TTC19: variants seen among roughly 807,000 people sequenced by gnomAD.
The protein encoded by TTC19 is tetratricopeptide repeat protein 19, mitochondrial.
TTC19 carries 38 observed loss-of-function variants against 49.5 expected under a neutral mutation model. The observed-to-expected ratio is 0.77, with a 90% CI of 0.59 to 1.01. The LOEUF is 1.01. TTC19 is among the 50% of genes least tolerant of loss of function. The pLI is 0.00. For missense variants in TTC19, 475 were observed against 477.7 expected (o/e 0.99, Z 0.05); for synonymous variants, 204 against 185.2 (o/e 1.10, Z -0.83).
At position 16,000,243 on chromosome 17, in the gene TTC19, A is replaced by G; in HGVS notation, c.310A>G (p.Lys104Glu). 4 of 1,595,050 alleles carry G rather than the reference A, an allele frequency of 2.5e-6. No homozygotes were observed. The highest frequency in any genetic ancestry group is 1.7e-5 in the Admixed American group (1 of 59,938). ...GATCATCCAGCTGCTGAAGCGAGCC[A>G]AGGTGAGGCGGCTCCGGGCCCTGCG... ...AEIIQLLKRA[K>E]LSIMKDEPEE... The change falls in exon 2 of 10, where the codon AAG (lysine) becomes GAG (glutamate). Residue 104 changes from lysine (K) to glutamate (E), a missense_variant and splice_region_variant. Lys to Glu is a moderately conservative substitution (Grantham distance 56). Coordinates refer to ENST00000261647, the MANE Select transcript of TTC19 (RefSeq NM_017775.4).
At chr17:16,034,860 G>C (rs779636265) in intron 2 of TTC19, 1 of 1,613,996 alleles carries the variant, frequency 6.2e-7, no homozygotes, top group Non-Finnish European at 8.5e-7. Context: ...GGGCCGTTCC[G>C]TTCCTAAGTA....
rs1265281798 is a variant in TTC19, at chr17:16,028,439, A to G, written c.*917A>G. 21 of 453,978 alleles carry G rather than the reference A, an allele frequency of 4.6e-5. 1 individual carries two copies. Among genetic ancestry groups the G allele is most frequent in the South Asian group, 2.6e-4 (17 of 64,480 alleles). 28.1% of individuals were successfully genotyped at this position (453,978 alleles called of 1,614,324 possible). The stretch of plus-strand genomic sequence containing the variant: ...GCCTTTTTGCTTTTGCAATTTCAGT[A>G]TCTTCATCTCTAAACTAGGGAAACA... On this transcript the variant is annotated 3_prime_UTR_variant, in exon 10 of 10. Coordinates refer to ENST00000261647, the MANE Select transcript of TTC19 (RefSeq NM_017775.4).
At chr17:16,026,741 G>T (rs764097855) in intron 9 of TTC19, 39 bp downstream of exon 9, 1 of 1,607,934 alleles carries the variant, frequency 6.2e-7, no homozygotes, top group South Asian at 1.1e-5. Context: ...TGCTTTAAGG[G>T]AGGGATGTCA....
intron 6 of TTC19, among the ~76,000 whole-genome samples, chr17:16,004,814 C>T (rs1473380071): frequency 6.6e-6 from 1 of 152,178 alleles, no homozygotes; most frequent in South Asian, 2.1e-4. Context: ...AGAAAGGGTG[C>T]TCACTGAGGC....
intron 7 of TTC19, among the ~76,000 whole-genome samples, chr17:16,013,922 A>C (rs1357987163): frequency 6.6e-6 from 1 of 152,226 alleles, no homozygotes; most frequent in Non-Finnish European, 1.5e-5. Flanking sequence ...AATTAGGTTT[A>C]ACAGTAAGGA....
At chr17:16,000,401 G>A in intron 2 of TTC19, 156 bp downstream of exon 2, 1 of 1,487,508 alleles carries the variant, frequency 6.7e-7, no homozygotes, top group Non-Finnish European at 8.9e-7. Flanking sequence ...TCCGAGAGGG[G>A]ATTGGAATCC....
intron 7 of TTC19, 193 bp from the exon 8 acceptor site, chr17:16,024,824 G>A (rs1005635615): frequency 1.0e-5 from 6 of 600,954 alleles, no homozygotes; most frequent in Non-Finnish European, 5.9e-6. Context: ...TAATTGATGT[G>A]CGGACTCTTA....
chr17:16,029,771 T>C (rs1971778006), downstream of TTC19: 1 of 152,548 alleles, frequency 6.6e-6, no homozygotes, highest in Non-Finnish European at 1.5e-5. Context: ...AACCAAGAAC[T>C]ATTATTGGAT....
At chr17:16,010,098 T>C (rs2151657300) in intron 7 of TTC19, among the ~76,000 whole-genome samples, 2 of 151,846 alleles carry the variant, frequency 1.3e-5, no homozygotes, top group South Asian at 4.1e-4. Context: ...AGTACAAAGC[T>C]TAATTTAAGA....
chr17:16,024,815 A>C, intron 7 of TTC19: 1 of 587,472 alleles, frequency 1.7e-6, no homozygotes, highest in Non-Finnish European at 3.0e-6. Context: ...TCCACATTTT[A>C]ATTGATGTGC....
At chr17:16,020,422 G>A (rs1365514573) in intron 7 of TTC19, among the ~76,000 whole-genome samples, 1 of 151,908 alleles carries the variant, frequency 6.6e-6, no homozygotes. Flanking sequence ...TATTTTTGTG[G>A]GTTACGTATC....
intron 2 of TTC19, among the ~76,000 whole-genome samples, chr17:16,037,713 T>G (rs1054489497): frequency 7.2e-5 from 11 of 152,192 alleles, no homozygotes; most frequent in African/African-American, 2.4e-4. Context: ...GAACAAAGCT[T>G]CTTCATGCTA....
chr17:16,028,348 A>G lies in TTC19; in HGVS notation c.*826A>G. 2.2e-6 allele frequency: 1 copy of G among 454,092 alleles called. No homozygotes were observed. The highest frequency in any genetic ancestry group is 2.0e-5 in the African/African-American group (1 of 50,122). The allele number at this position is 454,092 out of a possible 1,614,324, so 28.1% of individuals were successfully genotyped here. ...AATAGGCCCCTACAGGTATATTTTA[A>G]AACTCTTCGTAATTCTAATGTGTAC... On this transcript the variant is annotated 3_prime_UTR_variant, in exon 10 of 10. Coordinates refer to ENST00000261647, the MANE Select transcript of TTC19 (RefSeq NM_017775.4).
intron 2 of TTC19, chr17:16,044,410 C>G (rs2058302297): frequency 2.1e-6 from 1 of 471,262 alleles, no homozygotes; most frequent in Non-Finnish European, 4.4e-6. Flanking sequence ...AGGCAGTTCA[C>G]AGTGCAAGGC....
chr17:16,027,744 C>T lies in TTC19; in HGVS notation c.*222C>T, dbSNP rs763548213. 1 of 612,592 alleles carries T rather than the reference C, an allele frequency of 1.6e-6. No individual in the cohort carries two copies. The highest frequency in any genetic ancestry group is 1.5e-5 in the South Asian group (1 of 65,972). The allele number at this position is 612,592 out of a possible 1,614,324, so 37.9% of individuals were successfully genotyped here. On this transcript the variant is annotated 3_prime_UTR_variant, in exon 10 of 10. Transcript: ENST00000261647. ...TGATTATGACCTTTCAGGATGTCGT[C>T]AAGTGATGCTTTCAGTTGTAACACG...
At chr17:16,043,382 AC>A (rs2152097525) in intron 2 of TTC19, among the ~76,000 whole-genome samples, 1 of 152,144 alleles carries the variant, frequency 6.6e-6, no homozygotes, top group East Asian at 1.9e-4. Flanking sequence ...TCTCCTTTCC[AC>A]CATGAAAAAT....
intron 7 of TTC19, among the ~76,000 whole-genome samples, chr17:16,015,665 G>T (rs1971193326): frequency 6.6e-6 from 1 of 152,084 alleles, no homozygotes; most frequent in Non-Finnish European, 1.5e-5. Context: ...TCAGATTCTG[G>T]TTCTGCCACT....
chr17:16,019,913 G>A (rs570226848), intron 7 of TTC19, among the ~76,000 whole-genome samples: 21 of 150,928 alleles, frequency 1.4e-4, no homozygotes, highest in Non-Finnish European at 2.8e-4. Context: ...GATCATTTGA[G>A]GTCAGGAGTT....
intron 7 of TTC19, chr17:16,024,284 T>G (rs1360003151): frequency 7.7e-6 from 1 of 129,788 alleles, no homozygotes; most frequent in African/African-American, 2.5e-5. Flanking sequence ...AATTTTACCT[T>G]AAATTCTTTT....
Sources: gnomAD v4.1 joint callset for allele counts (sites outside exome capture counted in the v4.1 genomes callset) on GRCh38, gnomAD v4.1.1 for gene constraint, MANE v1.5 for transcripts, NCBI Gene and HGNC (gene_info 2026-07-23, HGNC 2026-07-21) for gene names.